Variants in MERTK observed in about 807,000 individuals in gnomAD.
MERTK encodes MER proto-oncogene, tyrosine kinase, also known as tyrosine-protein kinase Mer.
MERTK carries 69 observed loss-of-function variants against 99.3 expected under a neutral mutation model. The observed-to-expected ratio is 0.70, with a 90% confidence interval of 0.57 to 0.85. The LOEUF (loss-of-function observed/expected upper bound fraction) is 0.85. Ranked by LOEUF, MERTK falls within the 40% of genes least tolerant of loss-of-function variation. The pLI, the probability that MERTK is intolerant of heterozygous loss-of-function variation, is 0.00. For synonymous variants in MERTK, 426 were observed against 467.6 expected (o/e 0.91, Z 1.15); for missense variants, 1,125 against 1,249.4 (o/e 0.90, Z 1.50).
intron 6 of MERTK, 72 bp from the exon 7 acceptor site, chr2:111,975,217 G>C (rs764647251): frequency 6.9e-7 from 1 of 1,456,932 alleles, no homozygotes; most frequent in Non-Finnish European, 9.6e-7. Flanking sequence ...TGCACCGAAT[G>C]CACACAGGCC....
At chr2:112,027,246 ATATATATATGCCATATATGTG>A (rs1475420068) in intron 18 of MERTK, among the ~76,000 whole-genome samples, 2 of 151,102 alleles carry the variant, frequency 1.3e-5, no homozygotes, top group African/African-American at 2.4e-5. Context: ...TGGCATGCAT[ATATATATATGCCATATATGTG>A]TATATATATG....
At chr2:111,940,829 G>T in intron 2 of MERTK, 2 of 964,834 alleles carry the variant, frequency 2.1e-6, no homozygotes, top group East Asian at 2.5e-5. Flanking sequence ...ATCTTTAAAC[G>T]ACAGTTAACA....
chr2:112,026,939 CA>C (rs1266651245), intron 18 of MERTK, among the ~76,000 whole-genome samples: 2 of 151,910 alleles, frequency 1.3e-5, no homozygotes, highest in South Asian at 2.1e-4. Flanking sequence ...AAATTTGGGT[CA>C]TTTTTTTGTC....
intron 6 of MERTK, among the ~76,000 whole-genome samples, chr2:111,973,784 G>T (rs1676172218): frequency 6.6e-6 from 1 of 152,086 alleles, no homozygotes. Context: ...CAGACAGGAG[G>T]TATGCGAGGA....
intron 1 of MERTK, among the ~76,000 whole-genome samples, chr2:111,910,462 G>A (rs1292336694): frequency 6.6e-6 from 1 of 151,660 alleles, no homozygotes; most frequent in Non-Finnish European, 1.5e-5. Context: ...TTGAGATGGG[G>A]TTTCACCATG....
chr2:111,995,181 G>A lies in MERTK; in HGVS notation c.1450+777G>A, dbSNP rs114424417. Reference sequence around the variant, plus strand: ...GCACGGAACATGAAATATTTCCTATGGAAGCCATCCTCAGACTGCCCTGGG... The same window carrying A: ...GCACGGAACATGAAATATTTCCTATAGAAGCCATCCTCAGACTGCCCTGGG... On this transcript the variant is annotated intron_variant, in intron 9 of 18. Transcript: ENST00000295408. The A allele has an allele frequency of 6.3e-3, 975 of 155,590 alleles. 13 individuals are homozygous for A. The highest frequency in any genetic ancestry group is 0.023 in the African/African-American group (938 of 41,616). 9.6% of individuals were successfully genotyped at this position (155,590 alleles called of 1,614,324 possible).
chr2:111,992,893 A>C (rs1676658006), intron 8 of MERTK, among the ~76,000 whole-genome samples: 1 of 152,204 alleles, frequency 6.6e-6, no homozygotes, highest in Non-Finnish European at 1.5e-5. Flanking sequence ...CCAGCCAGTC[A>C]GAAGTACAGG....
chr2:111,926,632 C>CAG (rs1684573602), intron 1 of MERTK, among the ~76,000 whole-genome samples: 1 of 152,150 alleles, frequency 6.6e-6, no homozygotes, highest in Non-Finnish European at 1.5e-5. Flanking sequence ...GAGGCTGAGG[C>CAG]AGGAAAATCA....
In MERTK at chr2:111,975,286, T is replaced by G. The variant is rs1179524884; in HGVS notation, c.961-3T>G. 1 of 1,614,074 alleles carries G rather than the reference T, an allele frequency of 6.2e-7. No individual in the cohort carries two copies. The highest frequency in any genetic ancestry group is 8.5e-7 in the Non-Finnish European group (1 of 1,180,018). ...CCGGTCCTCATGTTTACTCTTCGTT[T>G]AGGTCAAGGAAGCTGATCCGCTGAG... is the stretch of plus-strand genomic sequence containing the variant. On this transcript the variant is annotated splice_polypyrimidine_tract_variant and splice_region_variant and intron_variant, in intron 6 of 18. Coordinates refer to ENST00000295408, the MANE Select transcript of MERTK (RefSeq NM_006343.3).
At chr2:111,951,520 C>A in intron 4 of MERTK, among the ~76,000 whole-genome samples, 1 of 24,986 alleles carries the variant, frequency 4.0e-5, no homozygotes, top group African/African-American at 1.5e-4. Flanking sequence ...GAATAATATT[C>A]CCATATATAT....
chr2:111,941,626 C>CCTCCAGT (rs1248298100), intron 2 of MERTK, among the ~76,000 whole-genome samples: 1 of 152,132 alleles, frequency 6.6e-6, no homozygotes, highest in East Asian at 1.9e-4. Context: ...AGGGACAGCC[C>CCTCCAGT]CTCCAGTCTC....
chr2:111,928,757 A>T (rs1429649546), intron 1 of MERTK, among the ~76,000 whole-genome samples: 1 of 152,212 alleles, frequency 6.6e-6, no homozygotes, highest in Non-Finnish European at 1.5e-5. Context: ...AAGTGCCAAG[A>T]TTACAGGTGT....
At chr2:111,989,822 G>A (rs1306413572) in intron 8 of MERTK, among the ~76,000 whole-genome samples, 3 of 152,162 alleles carry the variant, frequency 2.0e-5, no homozygotes, top group Admixed American at 1.3e-4. Flanking sequence ...GATACACTGT[G>A]TCTTATCTTA....
chr2:111,947,073 G>C (rs537239581), intron 3 of MERTK, among the ~76,000 whole-genome samples: 1 of 152,184 alleles, frequency 6.6e-6, no homozygotes, highest in South Asian at 2.1e-4. Flanking sequence ...AGGAGTTCGA[G>C]GCCAGCCTGG....
rs765352808 is a variant in MERTK at position 111,997,446 on chromosome 2, T to A, written c.1574T>A (p.Ile525Asn). The change falls in exon 10 of 19, where the codon ATC (isoleucine) becomes AAC (asparagine). Residue 525 changes from isoleucine to asparagine, a missense_variant. Transcript: ENST00000295408. ...IGLILYISLA[I>N]RKRVQETKFG... ...TTGATTTTATACATCTCCTTGGCCA[T>A]CAGAAAAAGAGTCCAGGAGACAAAG... The A allele has an allele frequency of 6.2e-7, 1 of 1,614,064 alleles. No individual in the cohort carries two copies.
intron 6 of MERTK, among the ~76,000 whole-genome samples, chr2:111,974,935 A>C (rs571754663): frequency 6.6e-6 from 1 of 152,112 alleles, no homozygotes; most frequent in Non-Finnish European, 1.5e-5. Context: ...TCTGTTGCAT[A>C]CTCCATGAAG....
intron 9 of MERTK, chr2:111,996,352 A>G (rs1676738504): frequency 6.5e-6 from 1 of 153,814 alleles, no homozygotes; most frequent in Non-Finnish European, 1.5e-5. Context: ...ATCATGACCA[A>G]CGGCATCATT....
At chr2:111,925,088 C>G (rs1277766141) in intron 1 of MERTK, among the ~76,000 whole-genome samples, 1 of 151,550 alleles carries the variant, frequency 6.6e-6, no homozygotes, top group South Asian at 2.1e-4. Context: ...CCTCCCCACC[C>G]CCAGTTAGCC....
chr2:111,991,885 C>T (rs1676626997), intron 8 of MERTK, among the ~76,000 whole-genome samples: 1 of 152,090 alleles, frequency 6.6e-6, no homozygotes, highest in South Asian at 2.1e-4. Flanking sequence ...GCCTTTTGTC[C>T]TTGGTTTCTG....
Sources: allele counts gnomAD v4.1 joint callset (sites outside exome capture counted in the v4.1 genomes callset), GRCh38; gene constraint gnomAD v4.1.1; transcripts MANE v1.5; gene names NCBI Gene and HGNC (gene_info 2026-07-23, HGNC 2026-07-21).